Variants in ACVR1 observed in about 807,000 individuals in gnomAD.
The protein encoded by ACVR1 is activin A receptor type 1, also known as activin receptor type-1.
A neutral mutation model predicts 57.1 loss-of-function variants in ACVR1; 38 were observed. The observed-to-expected ratio is 0.67, with a 90% confidence interval of 0.51 to 0.87. The LOEUF (loss-of-function observed/expected upper bound fraction) is 0.87, where lower values mean the gene tolerates loss of function less well. ACVR1 is among the 40% of genes least tolerant of loss of function. ACVR1 has a pLI of 0.00. For synonymous variants in ACVR1, 212 were observed against 228.1 expected (o/e 0.93, Z 0.63); for missense variants, 463 against 638.2 (o/e 0.73, Z 2.96).
chr2:157,752,434 C>T lies in ACVR1; in HGVS notation c.1264+8446G>A, dbSNP rs114168804. Among the ~76,000 whole-genome samples, 206 of 152,248 alleles carry T rather than the reference C, an allele frequency of 1.4e-3. 1 individual carries two copies. Among genetic ancestry groups the T allele is most frequent in the African/African-American group, 4.6e-3 (192 of 41,542 alleles). On this transcript the variant is annotated intron_variant, in intron 9 of 10. Transcript: ENST00000434821. ...ACCTCCAAAAATCACACTAGCTCAC[C>T]CGCACTGGATCCAAACCAAGAAGAA...
chr2:157,760,867 A>G lies in ACVR1; in HGVS notation c.1264+13T>C, dbSNP rs747575845. ...TTGGATTAAGACAATATTATATTAG[A>G]TTAGATACCTACCATTGCTCACCAT... On this transcript the variant is annotated intron_variant, in intron 9 of 10. Coordinates refer to ENST00000434821, the MANE Select transcript of ACVR1 (RefSeq NM_001111067.4). 37 of 1,613,338 alleles carry G rather than the reference A, an allele frequency of 2.3e-5. No homozygotes were observed. Among genetic ancestry groups the G allele is most frequent in the Non-Finnish European group, 3.1e-5 (36 of 1,179,506 alleles).
intron 1 of ACVR1, among the ~76,000 whole-genome samples, chr2:157,846,456 A>T (rs1328746584): frequency 6.6e-6 from 1 of 152,168 alleles, no homozygotes; most frequent in Non-Finnish European, 1.5e-5. Flanking sequence ...GGCTCACTCA[A>T]GCTCATCCCA....
chr2:157,862,100 T>G (rs920592716), intron 1 of ACVR1, among the ~76,000 whole-genome samples: 3 of 152,218 alleles, frequency 2.0e-5, no homozygotes. Flanking sequence ...AGATTGTCTC[T>G]TCAAAATTAT....
chr2:157,811,057 A>G (rs1056054536), intron 2 of ACVR1, among the ~76,000 whole-genome samples: 2 of 152,332 alleles, frequency 1.3e-5, no homozygotes, highest in South Asian at 2.1e-4. Flanking sequence ...AATGACAAGG[A>G]GGTCTCACTC....
chr2:157,749,408 C>T (rs1031501471), intron 9 of ACVR1, among the ~76,000 whole-genome samples: 5 of 152,174 alleles, frequency 3.3e-5, no homozygotes, highest in Non-Finnish European at 7.3e-5. Flanking sequence ...TCCAGGGCTT[C>T]CTGCATTTAA....
chr2:157,797,990 G>C (rs1687181441), intron 3 of ACVR1, among the ~76,000 whole-genome samples: 1 of 152,148 alleles, frequency 6.6e-6, no homozygotes, highest in South Asian at 2.1e-4. Context: ...GAATCTGCCA[G>C]CACCTTGAAC....
chr2:157,763,087 C>T (rs764283837), intron 8 of ACVR1, among the ~76,000 whole-genome samples: 14 of 151,994 alleles, frequency 9.2e-5, no homozygotes, highest in Non-Finnish European at 2.1e-4. Context: ...ACAAAACAAC[C>T]GGATGCAATT....
At chr2:157,863,178 A>G (rs1373871460) in intron 1 of ACVR1, among the ~76,000 whole-genome samples, 3 of 149,982 alleles carry the variant, frequency 2.0e-5, no homozygotes, top group Non-Finnish European at 4.4e-5. Context: ...ATACTTGGCT[A>G]ATTTTTATAT....
intron 1 of ACVR1, among the ~76,000 whole-genome samples, chr2:157,847,358 G>A (rs778079970): frequency 1.3e-5 from 2 of 152,062 alleles, no homozygotes; most frequent in East Asian, 1.9e-4. Flanking sequence ...AGATTGACCT[G>A]AGCAGGAAGA....
chr2:157,772,804 TC>T (rs1686121935), intron 6 of ACVR1, among the ~76,000 whole-genome samples: 1 of 152,206 alleles, frequency 6.6e-6, no homozygotes, highest in African/African-American at 2.4e-5. Context: ...TTTTCTCCAT[TC>T]ACAATCTGCC....
At chr2:157,743,425 T>C (rs181322569) in intron 9 of ACVR1, among the ~76,000 whole-genome samples, 2 of 152,142 alleles carry the variant, frequency 1.3e-5, no homozygotes, top group East Asian at 3.9e-4. Flanking sequence ...TTAAATCGGA[T>C]ATTCTGGGGA....
At chr2:157,818,681 G>C (rs971677121) in intron 1 of ACVR1, 122 bp from the exon 2 acceptor site, 8 of 152,250 alleles carry the variant, frequency 5.3e-5, no homozygotes, top group Non-Finnish European at 1.0e-4. Context: ...AAACAAAGCT[G>C]ATCTACAAGT....
chr2:157,846,546 C>T (rs1267621774), intron 1 of ACVR1, among the ~76,000 whole-genome samples: 4 of 152,240 alleles, frequency 2.6e-5, no homozygotes, highest in Middle Eastern at 3.4e-3. Flanking sequence ...CAGACCTTTG[C>T]GACCTTCAGA....
At chr2:157,738,044 G>A (rs1185121924) in intron 10 of ACVR1, among the ~76,000 whole-genome samples, 1 of 152,124 alleles carries the variant, frequency 6.6e-6, no homozygotes, top group Non-Finnish European at 1.5e-5. Context: ...TAGCAATACA[G>A]GATCTTCAGC....
chr2:157,752,865 G>A (rs1430427918), intron 9 of ACVR1, among the ~76,000 whole-genome samples: 1 of 152,024 alleles, frequency 6.6e-6, no homozygotes, highest in Non-Finnish European at 1.5e-5. Context: ...AATCTCACAG[G>A]ACCTATAAAA....
intron 2 of ACVR1, among the ~76,000 whole-genome samples, chr2:157,801,512 T>C (rs767997186): frequency 2.0e-5 from 3 of 152,152 alleles, no homozygotes; most frequent in Non-Finnish European, 4.4e-5. Context: ...TAGAGAAAAG[T>C]AGTAATATTC....
intron 2 of ACVR1, among the ~76,000 whole-genome samples, chr2:157,809,518 AG>A (rs1687674484): frequency 6.6e-6 from 1 of 152,134 alleles, no homozygotes; most frequent in African/African-American, 2.4e-5. Context: ...ACAGAAAACA[AG>A]GAGGAGACAG....
At chr2:157,849,808 T>G (rs1689235290) in intron 1 of ACVR1, among the ~76,000 whole-genome samples, 3 of 152,200 alleles carry the variant, frequency 2.0e-5, no homozygotes. Context: ...ACTTTCCTGC[T>G]CCTCTCTCCA....
At chr2:157,818,297 A>G (rs543498933) in intron 2 of ACVR1, 88 bp downstream of exon 2, 2 of 152,344 alleles carry the variant, frequency 1.3e-5, no homozygotes, top group South Asian at 4.1e-4. Context: ...GCCAAAGAGT[A>G]TTAAAAGAAG....
Sources: gnomAD v4.1 joint callset for allele counts (sites outside exome capture counted in the v4.1 genomes callset) on GRCh38, gnomAD v4.1.1 for gene constraint, MANE v1.5 for transcripts, NCBI Gene and HGNC (gene_info 2026-07-23, HGNC 2026-07-21) for gene names.